The following GRID2 variants were observed in gnomAD, a reference collection of about 807,000 sequenced individuals.
GRID2 encodes the protein glutamate receptor ionotropic, delta-2.
A neutral mutation model predicts 114.8 loss-of-function variants in GRID2; 33 were observed. The observed-to-expected ratio is 0.29, with a 90% CI of 0.22 to 0.38. GRID2 has a LOEUF of 0.38. Ranked by LOEUF, GRID2 falls within the 10% of genes least tolerant of loss-of-function variation. The pLI is 1.00. For synonymous variants in GRID2, 505 were observed against 449.9 expected, an observed-to-expected ratio of 1.12 and a Z score of -1.55; for missense variants, 1,184 against 1,257.7, an observed-to-expected ratio of 0.94 and a Z score of 0.89.
At chr4:93,339,245 C>A (rs1051675908) in intron 8 of GRID2, among the ~76,000 whole-genome samples, 7 of 152,160 alleles carry the variant, frequency 4.6e-5, no homozygotes, top group African/African-American at 1.7e-4. Flanking sequence ...ACTGGTATTT[C>A]AAAATGTGAC....
At chr4:92,816,338 AAAAG>A (rs1281625003) in intron 2 of GRID2, among the ~76,000 whole-genome samples, 1 of 151,518 alleles carries the variant, frequency 6.6e-6, no homozygotes, top group Non-Finnish European at 1.5e-5. Flanking sequence ...AAAAAAAAAA[AAAAG>A]TACATTTTAC....
intron 1 of GRID2, among the ~76,000 whole-genome samples, chr4:92,324,628 T>A (rs200331341): frequency 8.0e-6 from 1 of 125,532 alleles, no homozygotes; most frequent in African/African-American, 4.6e-5. Context: ...CACACTGACT[T>A]TGCACAGCAT....
chr4:93,676,918 C>A (rs1332014427), intron 14 of GRID2, among the ~76,000 whole-genome samples: 1 of 152,050 alleles, frequency 6.6e-6, no homozygotes, highest in Non-Finnish European at 1.5e-5. Flanking sequence ...GAGTGCCAGA[C>A]AGTGGGAGCA....
intron 14 of GRID2, among the ~76,000 whole-genome samples, chr4:93,713,921 C>G (rs897459851): frequency 5.3e-5 from 8 of 152,000 alleles, no homozygotes; most frequent in African/African-American, 1.9e-4. Context: ...TTTTCTTATA[C>G]TTTGCCATCT....
At position 93,499,830 on chromosome 4, in the gene GRID2, G is replaced by A. The variant is rs552223614; in HGVS notation, c.1997+9053G>A. Among the ~76,000 whole-genome samples, 19 of 151,896 alleles carry A rather than the reference G, an allele frequency of 1.3e-4. No individual in the cohort carries two copies. In the South Asian group the frequency reaches 1.5e-3, roughly 12 times the overall value. On this transcript the variant is annotated intron_variant, in intron 12 of 15. Transcript: ENST00000282020. Reference sequence around the variant, plus strand: ...GCATGGGTTTTCTCATTTAGTCTTCGTAATAGCCCCATGAGAGATATGTTA... The same window carrying A: ...GCATGGGTTTTCTCATTTAGTCTTCATAATAGCCCCATGAGAGATATGTTA...
chr4:92,592,825 T>A (rs1579643960), intron 2 of GRID2, among the ~76,000 whole-genome samples: 2 of 151,840 alleles, frequency 1.3e-5, no homozygotes, highest in East Asian at 1.9e-4. Flanking sequence ...TTTATAGAAT[T>A]TTTTTTGTAA....
chr4:92,905,863 C>G (rs1747911804), intron 2 of GRID2, among the ~76,000 whole-genome samples: 1 of 152,086 alleles, frequency 6.6e-6, no homozygotes, highest in Non-Finnish European at 1.5e-5. Flanking sequence ...GTGAGCAAGA[C>G]ACTTTTAGTG....
intron 11 of GRID2, among the ~76,000 whole-genome samples, chr4:93,476,660 G>A (rs751773920): frequency 1.4e-4 from 22 of 152,158 alleles, no homozygotes; most frequent in African/African-American, 4.6e-4. Context: ...ATATAAGAGC[G>A]TGAATACAAA....
intron 14 of GRID2, among the ~76,000 whole-genome samples, chr4:93,677,686 T>C (rs11935627): frequency 0.03 from 4,638 of 152,194 alleles, 109 homozygotes; most frequent in African/African-American, 0.062. Flanking sequence ...GGAGTGGACC[T>C]CTAGCAAACT....
intron 1 of GRID2, among the ~76,000 whole-genome samples, chr4:92,483,290 G>T (rs934246687): frequency 1.3e-5 from 2 of 151,992 alleles, no homozygotes; most frequent in Admixed American, 1.3e-4. Context: ...GTGAGCCAAG[G>T]TCGTGCCACT....
intron 2 of GRID2, among the ~76,000 whole-genome samples, chr4:93,069,697 C>T (rs1728642480): frequency 1.3e-5 from 2 of 152,082 alleles, no homozygotes; most frequent in Non-Finnish European, 2.9e-5. Context: ...GTTATGTTTT[C>T]TCCTGAGAGA....
chr4:93,655,541 A>G (rs1722925966), intron 14 of GRID2, among the ~76,000 whole-genome samples: 1 of 152,180 alleles, frequency 6.6e-6, no homozygotes, highest in Non-Finnish European at 1.5e-5. Context: ...AGAAAATTGT[A>G]AAAGCCGAAA....
At chr4:93,286,933 C>G (rs1222998173) in intron 8 of GRID2, among the ~76,000 whole-genome samples, 1 of 151,938 alleles carries the variant, frequency 6.6e-6, no homozygotes, top group Non-Finnish European at 1.5e-5. Context: ...ATTATACAAT[C>G]AGTGTTTTGA....
At chr4:92,650,857 G>A (rs1731893580) in intron 2 of GRID2, among the ~76,000 whole-genome samples, 1 of 151,916 alleles carries the variant, frequency 6.6e-6, no homozygotes, top group Non-Finnish European at 1.5e-5. Flanking sequence ...CTGATTCAGA[G>A]CCTATACAGT....
intron 4 of GRID2, among the ~76,000 whole-genome samples, chr4:93,118,528 C>G (rs542904530): frequency 1.7e-4 from 26 of 152,152 alleles, no homozygotes; most frequent in Non-Finnish European, 3.4e-4. Flanking sequence ...AAAGGCCTCT[C>G]TAGATCTAAC....
intron 2 of GRID2, among the ~76,000 whole-genome samples, chr4:93,053,406 AGT>A (rs765465557): frequency 4.9e-4 from 75 of 151,940 alleles, no homozygotes; most frequent in Middle Eastern, 3.4e-3. Flanking sequence ...TGTGAATTTA[AGT>A]GTGTGTTCTC....
At chr4:92,979,181 C>CA (rs908851373) in intron 2 of GRID2, among the ~76,000 whole-genome samples, 4 of 151,562 alleles carry the variant, frequency 2.6e-5, no homozygotes, top group East Asian at 3.9e-4. Context: ...GCATTACTAA[C>CA]AAAAAAACCT....
intron 2 of GRID2, among the ~76,000 whole-genome samples, chr4:93,058,126 A>G (rs1727436783): frequency 2.1e-5 from 1 of 48,392 alleles, no homozygotes. Context: ...AAGTTTACTT[A>G]AAACCCTGTG....
intron 1 of GRID2, among the ~76,000 whole-genome samples, chr4:92,387,597 A>T (rs1459317083): frequency 6.6e-6 from 1 of 152,002 alleles, no homozygotes; most frequent in Non-Finnish European, 1.5e-5. Flanking sequence ...ACCCAGGAGC[A>T]GGAACATGAG....
Sources: gnomAD v4.1 joint callset for allele counts (sites outside exome capture counted in the v4.1 genomes callset) on GRCh38, gnomAD v4.1.1 for gene constraint, MANE v1.5 for transcripts, NCBI Gene and HGNC (gene_info 2026-07-23, HGNC 2026-07-21) for gene names.